AMOTL1: variants seen among roughly 807,000 people sequenced by gnomAD.
The protein encoded by AMOTL1 is angiomotin-like protein 1.
In AMOTL1, 45 loss-of-function variants were observed where a neutral mutation model predicts 102.9. The observed-to-expected ratio is 0.44, with a 90% CI of 0.34 to 0.56. The LOEUF is 0.56. Among genes scored for constraint, AMOTL1 ranks in the 20% least tolerant of loss-of-function variants. The pLI, the probability that AMOTL1 is intolerant of heterozygous loss-of-function variation, is 0.01. For synonymous variants in AMOTL1, 481 were observed against 484.7 expected (o/e 0.99, Z 0.10); for missense variants, 1,114 against 1,225.6 (o/e 0.91, Z 1.36).
Position 94,867,593 on chromosome 11 carries a change from G to A in AMOTL1, c.2488+1425G>A, listed in dbSNP as rs187784753. 2.6e-4 allele frequency among the ~76,000 whole-genome samples: 40 copies of A among 151,094 alleles called. No homozygotes were observed. In the South Asian group the frequency reaches 7.0e-3, roughly 26 times the overall value. The stretch of plus-strand genomic sequence containing the variant: ...CCTCATTGTTGTCATTGGTGTCCAC[G>A]TGTCACAAACACAGGGACTCTCCAA... On this transcript the variant is annotated intron_variant, in intron 11 of 12. Transcript: ENST00000433060.
At chr11:94,773,076 T>C (rs142732084) in intron 1 of AMOTL1, among the ~76,000 whole-genome samples, 1 of 152,254 alleles carries the variant, frequency 6.6e-6, no homozygotes, top group South Asian at 2.1e-4. Flanking sequence ...TTATTTTACT[T>C]TAGAGCTTTA....
At chr11:94,844,533 A>G (rs1289402429) in intron 6 of AMOTL1, among the ~76,000 whole-genome samples, 2 of 152,232 alleles carry the variant, frequency 1.3e-5, no homozygotes, top group African/African-American at 4.8e-5. Flanking sequence ...TGGGAAGTCC[A>G]AGAGCATGGT....
chr11:94,741,541 G>C (rs540922862), intron 3 of AMOTL1, among the ~76,000 whole-genome samples: 1 of 152,216 alleles, frequency 6.6e-6, no homozygotes, highest in Admixed American at 6.5e-5. Flanking sequence ...TAGGTGTCTC[G>C]AGATAGGACA....
At chr11:94,760,327 A>C (rs1192036256) in intron 3 of AMOTL1, among the ~76,000 whole-genome samples, 1 of 152,164 alleles carries the variant, frequency 6.6e-6, no homozygotes, top group Non-Finnish European at 1.5e-5. Flanking sequence ...TATATACCTT[A>C]CATCACATAG....
In AMOTL1 at chr11:94,725,291, G is replaced by A. The variant is rs989052631; in HGVS notation, c.-50-3630G>A. 3.9e-5 allele frequency among the ~76,000 whole-genome samples: 6 copies of A among 152,182 alleles called. No individual in the cohort carries two copies. In the South Asian group the frequency reaches 1.2e-3, roughly 32 times the overall value. ...AGACTGGATGAGGAGGCCAGAACAG[G>A]GCCAGGAAGCATAGGCAGCTTGGGT... On this transcript the variant is annotated intron_variant, in intron 1 of 4. Coordinates refer to the AMOTL1 transcript ENST00000299004.
chr11:94,850,696 A>G (rs1393937846), intron 7 of AMOTL1, among the ~76,000 whole-genome samples: 3 of 152,226 alleles, frequency 2.0e-5, no homozygotes, highest in Admixed American at 2.0e-4. Flanking sequence ...GAAGAAGAAG[A>G]AAAGGAGCAG....
At chr11:94,791,862 T>C (rs1951290693) in intron 1 of AMOTL1, among the ~76,000 whole-genome samples, 1 of 152,214 alleles carries the variant, frequency 6.6e-6, no homozygotes, top group Non-Finnish European at 1.5e-5. Flanking sequence ...CCTAAGAAAG[T>C]AGACTCAATT....
chr11:94,866,922 G>A (rs890044517), intron 11 of AMOTL1, among the ~76,000 whole-genome samples: 5 of 152,138 alleles, frequency 3.3e-5, no homozygotes, highest in Non-Finnish European at 7.4e-5. Context: ...GGGCAGGCAG[G>A]CTTGTTGGCT....
At chr11:94,720,434 T>C (rs1950158017) in intron 1 of AMOTL1, among the ~76,000 whole-genome samples, 1 of 152,064 alleles carries the variant, frequency 6.6e-6, no homozygotes, top group South Asian at 2.1e-4. Flanking sequence ...TTTTGAGATC[T>C]CTCACCGGAG....
chr11:94,732,165 T>C (rs1591906622), intron 2 of AMOTL1, among the ~76,000 whole-genome samples: 1 of 152,322 alleles, frequency 6.6e-6, no homozygotes, highest in South Asian at 2.1e-4. Flanking sequence ...GCATTTCTAG[T>C]GGAGTACCAG....
At chr11:94,768,797 G>T (rs1950896688) in intron 1 of AMOTL1, among the ~76,000 whole-genome samples, 1 of 152,116 alleles carries the variant, frequency 6.6e-6, no homozygotes, top group African/African-American at 2.4e-5. Flanking sequence ...GTTGACTGAA[G>T]TTGTGGCCCC....
rs533295671 is a variant in AMOTL1, at chr11:94,875,421, T to G, written c.*4626T>G. 6.6e-6 allele frequency: 1 copy of G among 152,228 alleles called. No individual in the cohort carries two copies. Among genetic ancestry groups the G allele is most frequent in the Admixed American group, 6.5e-5 (1 of 15,284 alleles). 9.4% of individuals were successfully genotyped at this position (152,228 alleles called of 1,614,324 possible). A position where few individuals can be genotyped will look rare whatever the true frequency, so the allele number is the denominator to read the frequency against. ...TACATATGAGGTATGACTATAGGGT[T>G]GTTTGTGGGAATTTCTTTTCCTAAC... On this transcript the variant is annotated 3_prime_UTR_variant, in exon 13 of 13. Coordinates refer to ENST00000433060, the MANE Select transcript of AMOTL1 (RefSeq NM_130847.3).
intron 1 of AMOTL1, among the ~76,000 whole-genome samples, chr11:94,711,799 G>C (rs1461155692): frequency 6.6e-6 from 1 of 152,072 alleles, no homozygotes; most frequent in Non-Finnish European, 1.5e-5. Flanking sequence ...GTATTGAATA[G>C]TATGGATGTA....
Position 94,872,904 on chromosome 11 carries a change from A to G in AMOTL1, c.*2109A>G, listed in dbSNP as rs1283630223. 2 of 152,182 alleles carry G rather than the reference A, an allele frequency of 1.3e-5. No homozygotes were observed. The highest frequency in any genetic ancestry group is 2.4e-5 in the African/African-American group (1 of 41,448). 9.4% of individuals were successfully genotyped at this position (152,182 alleles called of 1,614,324 possible). ...CTAATCTCTGTTCCCACCACATTTC[A>G]TAGGAGATGAGTTAGGAGATGACAG... is the stretch of plus-strand genomic sequence containing the variant. On this transcript the variant is annotated 3_prime_UTR_variant, in exon 13 of 13. Coordinates refer to ENST00000433060, the MANE Select transcript of AMOTL1 (RefSeq NM_130847.3).
At chr11:94,864,250 C>CAATAATAATAAT (rs143730804) in intron 9 of AMOTL1, among the ~76,000 whole-genome samples, 1 of 150,098 alleles carries the variant, frequency 6.7e-6, no homozygotes, top group African/African-American at 2.5e-5. Flanking sequence ...CCAACAAATA[C>CAATAATAATAAT]AATAATAATA....
intron 6 of AMOTL1, among the ~76,000 whole-genome samples, chr11:94,842,973 C>A (rs1952337509): frequency 6.6e-6 from 1 of 152,194 alleles, no homozygotes; most frequent in African/African-American, 2.4e-5. Context: ...CTGGAGTGTT[C>A]CTGTTTGTGA....
chr11:94,724,422 C>T (rs2135449097), intron 1 of AMOTL1, among the ~76,000 whole-genome samples: 1 of 152,254 alleles, frequency 6.6e-6, no homozygotes, highest in East Asian at 1.9e-4. Context: ...AATGGGCTAT[C>T]TGGCGAGGGA....
intron 8 of AMOTL1, among the ~76,000 whole-genome samples, chr11:94,858,204 A>T (rs1444195435): frequency 6.6e-6 from 1 of 152,142 alleles, no homozygotes; most frequent in African/African-American, 2.4e-5. Context: ...GGACTGGTTC[A>T]TTTGTTCTCC....
rs57092786 is a variant in AMOTL1, at chr11:94,876,193, C to A, written c.*5398C>A. 8,106 of 152,686 alleles carry A rather than the reference C, an allele frequency of 0.053. 363 individuals are homozygous for A. Among genetic ancestry groups the A allele is most frequent in the African/African-American group, 0.12 (4,790 of 41,532 alleles). The allele number at this position is 152,686 out of a possible 1,614,324, so 9.5% of individuals were successfully genotyped here. On this transcript the variant is annotated 3_prime_UTR_variant, in exon 13 of 13. Transcript: ENST00000433060. ...CAAAACGGAATGTAAGCAAATATAT[C>A]CACATTGGTTTTATTTGAATCAAGG...
Sources: allele counts gnomAD v4.1 joint callset (sites outside exome capture counted in the v4.1 genomes callset), GRCh38; gene constraint gnomAD v4.1.1; transcripts MANE v1.5; gene names NCBI Gene and HGNC (gene_info 2026-07-23, HGNC 2026-07-21).